ERF: variants seen among roughly 807,000 people sequenced by gnomAD.
ERF encodes the protein ETS2 repressor factor.
Under a neutral mutation model 41.6 loss-of-function variants are expected in ERF, and 10 were observed. The ratio of observed to expected loss-of-function variants is 0.24; its 90% confidence interval spans 0.15 to 0.41. The LOEUF is 0.41. Ranked by LOEUF, ERF falls within the 10% of genes least tolerant of loss-of-function variation. The probability of loss-of-function intolerance (pLI) is 1.00; values close to 1 mark genes in which losing one functional copy is unlikely to be tolerated. For missense variants in ERF, 621 were observed against 763.2 expected (o/e 0.81, Z 2.19); for synonymous variants, 395 against 342.4 (o/e 1.15, Z -1.70).
intron 1 of ERF, among the ~76,000 whole-genome samples, chr19:42,253,683 C>T (rs2036483242): frequency 6.6e-6 from 1 of 152,054 alleles, no homozygotes; most frequent in Non-Finnish European, 1.5e-5. Context: ...CCCCAGGGCC[C>T]CTCCTCGGTC....
rs774456067 is a variant in ERF, at chr19:42,249,979, CGT to C, written c.258-39_258-38del. The C allele has an allele frequency of 6.3e-7, 1 of 1,591,030 alleles. No individual in the cohort carries two copies. ...GAAATGCCATTGGGAAGGTCAGGTA[CGT>C]GGGACCCAGGTCTAGACTCCACACC... On this transcript the variant is annotated intron_variant, in intron 2 of 3. Transcript: ENST00000222329. This position sits in a 1 kb window ranked among gnomAD's most constrained non-coding sequence, Gnocchi z 8.6.
chr19:42,254,709 T>A (rs997761503), intron 1 of ERF: 3 of 325,138 alleles, frequency 9.2e-6, no homozygotes, highest in Non-Finnish European at 1.7e-5. Context: ...ATCCCGGGAG[T>A]GGGGGAGAGC....
intron 1 of ERF, chr19:42,251,310 C>A: frequency 1.0e-6 from 1 of 986,270 alleles, no homozygotes; most frequent in Non-Finnish European, 1.2e-6. Flanking sequence ...CACCCTGGAG[C>A]TGTCACCCTC....
At position 42,250,339 on chromosome 19, in the gene ERF, C is replaced by A; in HGVS notation, c.249G>T (p.Arg83=). The change falls in exon 2 of 4, where the codon CGG becomes CGT. Residue 83 remains arginine (R), a synonymous_variant. Transcript: ENST00000222329. This position sits in a 1 kb window ranked among gnomAD's most constrained non-coding sequence, Gnocchi z 5.1. ...KPQMNYDKLS[R]ALRYYYNKRI... ...CCCCAGCCCGTCCTCACCGCAGGGC[C>A]CGGCTCAGCTTGTCGTAATTCATCT... 2 of 1,613,992 alleles carry A rather than the reference C, an allele frequency of 1.2e-6. No individual in the cohort carries two copies. The highest frequency in any genetic ancestry group is 2.2e-5 in the South Asian group (2 of 91,066).
intron 1 of ERF, among the ~76,000 whole-genome samples, chr19:42,251,898 C>A (rs1048616547): frequency 6.6e-6 from 1 of 152,110 alleles, no homozygotes; most frequent in African/African-American, 2.4e-5. Context: ...ACCACATAGC[C>A]CCCGGAGTCC....
In ERF at chr19:42,250,136, G is replaced by A. The variant is rs1003363153; in HGVS notation, c.258-194C>T. On this transcript the variant is annotated intron_variant, in intron 2 of 3. Coordinates refer to ENST00000222329, the MANE Select transcript of ERF (RefSeq NM_006494.4). This position sits in a 1 kb window ranked among gnomAD's most constrained non-coding sequence, Gnocchi z 5.1. ...TAAGGCAGGACTAGAGGATCCACTGGTGACTGTAATCTCTCCTCAGGATAC... is the reference window on the plus strand; with the variant it reads ...TAAGGCAGGACTAGAGGATCCACTGATGACTGTAATCTCTCCTCAGGATAC... 2.7e-6 allele frequency: 2 copies of A among 750,918 alleles called. No homozygotes were observed. Among genetic ancestry groups the A allele is most frequent in the East Asian group, 2.7e-5 (1 of 37,564 alleles). 46.5% of individuals were successfully genotyped at this position (750,918 alleles called of 1,614,324 possible).
Position 42,249,683 on chromosome 19 carries a change from G to A in ERF, c.429C>T (p.Arg143=), listed in dbSNP as rs1202389249. ...CCTCGGAGGGCGTTGAGGGAGGGAA[G>A]CGGAAGTGGCTACCACCCGACGGCA... ...PPVPSGGSHF[R]FPPSTPSEVL... The change falls in exon 4 of 4, where the codon CGC becomes CGT. Residue 143 remains arginine, a synonymous_variant. Transcript: ENST00000222329. The surrounding 1 kb of genome is among the most constrained non-coding windows in gnomAD (Gnocchi z 8.6). The A allele has an allele frequency of 1.6e-5, 26 of 1,600,388 alleles. No homozygotes were observed. The highest frequency in any genetic ancestry group is 2.0e-5 in the Non-Finnish European group (24 of 1,171,922).
rs1462996893 is a variant in ERF, at chr19:42,249,095, C to T, written c.1017G>A (p.Val339=). Residue 339 remains valine (V), a synonymous_variant, in exon 4 of 4, where the codon GTG becomes GTA. Transcript: ENST00000222329. The surrounding 1 kb of genome is among the most constrained non-coding windows in gnomAD (Gnocchi z 8.6). The part of the protein sequence containing the change: ...RAFLHYPGLV[V]PQPQRPDKCP... ...ACTTGTCAGGGCGCTGGGGCTGGGG[C>T]ACCACCAGCCCAGGGTAGTGCAGGA... The T allele has an allele frequency of 6.2e-7, 1 of 1,613,624 alleles. No individual in the cohort carries two copies. The highest frequency in any genetic ancestry group is 1.3e-5 in the African/African-American group (1 of 75,032).
Position 42,248,898 on chromosome 19 carries a change from C to A in ERF, c.1214G>T (p.Ser405Ile), listed in dbSNP as rs1462928759. Reference protein sequence around the residue: ...AVAGADKSGGSAGGLAEGAGA... With the variant: ...AVAGADKSGGIAGGLAEGAGA... ...TGCCCCCTCAGCCAGCCCGCCTGCA[C>A]TGCCACCGCTCTTGTCAGCACCGGC... The change falls in exon 4 of 4, where the codon AGT becomes ATT. Residue 405 changes from serine to isoleucine, a missense_variant. By Grantham distance (142) the Ser-to-Ile change is moderately radical. This residue lies in a region of ERF where 569 missense variants were observed against 625.5 expected (regional missense o/e 0.91). Coordinates refer to ENST00000222329, the MANE Select transcript of ERF (RefSeq NM_006494.4). The surrounding 1 kb of genome is among the most constrained non-coding windows in gnomAD (Gnocchi z 4.2). 1.2e-6 allele frequency: 2 copies of A among 1,607,744 alleles called. No homozygotes were observed. The highest frequency in any genetic ancestry group is 1.7e-6 in the Non-Finnish European group (2 of 1,179,238).
rs2036367641 is a variant in ERF, at chr19:42,248,399, AG to A, written c.*65del. On this transcript the variant is annotated 3_prime_UTR_variant, in exon 4 of 4. Coordinates refer to ENST00000222329, the MANE Select transcript of ERF (RefSeq NM_006494.4). The surrounding 1 kb of genome is among the most constrained non-coding windows in gnomAD (Gnocchi z 4.2). ...AGAGCTGCCCTCACCTCCAGGGCAT[AG>A]GGGGCTTAAGGCAGCAAAAGAAGCA... The A allele has an allele frequency of 7.3e-7, 1 of 1,375,772 alleles. No individual in the cohort carries two copies. The highest frequency in any genetic ancestry group is 2.7e-5 in the Admixed American group (1 of 37,502). The allele number at this position is 1,375,772 out of a possible 1,614,324, so 85.2% of individuals were successfully genotyped here.
chr19:42,253,867 C>T, intron 1 of ERF: 1 of 1,071,158 alleles, frequency 9.3e-7, no homozygotes, highest in Non-Finnish European at 1.1e-6. Flanking sequence ...CGAGCCGCCG[C>T]CGCCGCCGCC....
chr19:42,248,504 A>G lies in ERF; in HGVS notation c.1608T>C (p.His536=), dbSNP rs746528020. 3 of 1,515,462 alleles carry G rather than the reference A, an allele frequency of 2.0e-6. No homozygotes were observed. Among genetic ancestry groups the G allele is most frequent in the East Asian group, 2.3e-5 (1 of 43,808 alleles). 93.9% of individuals were successfully genotyped at this position (1,515,462 alleles called of 1,614,324 possible). Residue 536 remains histidine (H), a synonymous_variant, in exon 4 of 4, where the codon CAT becomes CAC. Coordinates refer to ENST00000222329, the MANE Select transcript of ERF (RefSeq NM_006494.4). The surrounding 1 kb of genome is among the most constrained non-coding windows in gnomAD (Gnocchi z 4.2). ...TPRRVSSDLQ[H]ATAQLSLEHR... The stretch of plus-strand genomic sequence containing the variant: ...GCTCCAGGGAGAGCTGGGCCGTGGC[A>G]TGCTGGAGGTCAGAGCTCACCCGCC...
rs773296866 is a variant in ERF at position 42,249,169 on chromosome 19, G to C, written c.943C>G (p.Gln315Glu). ...TTGTAGACGCTTTGGGTGTGGGCCT[G>C]CAGGTACCGTTTCATGTCCTCAGGG... The part of the protein sequence containing the change: ...FSPEDMKRYL[Q>E]AHTQSVYNYH... Residue 315 changes from glutamine (Q) to glutamate (E), a missense_variant, in exon 4 of 4, where the codon CAG becomes GAG. Physicochemically the swap from Gln to Glu is conservative, Grantham distance 29. Coordinates refer to ENST00000222329, the MANE Select transcript of ERF (RefSeq NM_006494.4). This position sits in a 1 kb window ranked among gnomAD's most constrained non-coding sequence, Gnocchi z 8.6. 1 of 1,613,896 alleles carries C rather than the reference G, an allele frequency of 6.2e-7. No individual in the cohort carries two copies. Among genetic ancestry groups the C allele is most frequent in the South Asian group, 1.1e-5 (1 of 91,088 alleles).
Position 42,248,471 on chromosome 19 carries a change from G to T in ERF, c.1641C>A (p.Asp547Glu). ...ATAQLSLEHR[D>E]S ...GGTCCCCTGCCCACAGCCCTCAGGA[G>T]TCTCGGTGCTCCAGGGAGAGCTGGG... The change falls in exon 4 of 4, where the codon GAC becomes GAA. Residue 547 changes from aspartate to glutamate, a missense_variant. Asp to Glu is a conservative substitution (Grantham distance 45). This residue lies in a region of ERF where 569 missense variants were observed against 625.5 expected (regional missense o/e 0.91). Transcript: ENST00000222329. The surrounding 1 kb of genome is among the most constrained non-coding windows in gnomAD (Gnocchi z 4.2). The T allele has an allele frequency of 6.7e-7, 1 of 1,500,594 alleles. No homozygotes were observed. Among genetic ancestry groups the T allele is most frequent in the Non-Finnish European group, 8.9e-7 (1 of 1,126,026 alleles). 93.0% of individuals were successfully genotyped at this position (1,500,594 alleles called of 1,614,324 possible).
rs1555750795 is a variant in ERF, at chr19:42,249,493, G to A, written c.619C>T (p.Arg207Ter). Residue 207 changes from arginine (R) to a stop codon, truncating the protein, a stop_gained, in exon 4 of 4, where the codon CGA (arginine) becomes TGA (stop). Transcript: ENST00000222329. LOFTEE classifies it high-confidence loss of function. This position sits in a 1 kb window ranked among gnomAD's most constrained non-coding sequence, Gnocchi z 8.6. ...CCCAGATCCGGAGGGCCGGGTGGTC[G>A]GGCGCGGGGATCCTCTCCCAGCGGT... ...EEPLGEDPRA[R>*]PPGPPDLGAF... 1.2e-6 allele frequency: 2 copies of A among 1,610,618 alleles called. No individual in the cohort carries two copies. The highest frequency in any genetic ancestry group is 1.7e-6 in the Non-Finnish European group (2 of 1,178,966).
intron 1 of ERF, among the ~76,000 whole-genome samples, chr19:42,252,729 G>C (rs964304387): frequency 1.7e-4 from 26 of 151,718 alleles, no homozygotes; most frequent in East Asian, 7.7e-4. Flanking sequence ...CCCGGCTTTG[G>C]GGGGGGGAGA....
In ERF at chr19:42,248,693, C is replaced by A; in HGVS notation, c.1419G>T (p.Gly473=). Residue 473 remains glycine (G), a synonymous_variant, in exon 4 of 4, where the codon GGG becomes GGT. Coordinates refer to ENST00000222329, the MANE Select transcript of ERF (RefSeq NM_006494.4). This position sits in a 1 kb window ranked among gnomAD's most constrained non-coding sequence, Gnocchi z 4.2. The part of the protein sequence containing the change: ...PPKPEPGEAP[G]ASQCMPLKLR... The stretch of plus-strand genomic sequence containing the variant: ...GCTTGAGGGGCATGCACTGGGATGC[C>A]CCGGGTGCCTCGCCGGGCTCAGGCT... 6.2e-7 allele frequency: 1 copy of A among 1,611,334 alleles called. No individual in the cohort carries two copies.
chr19:42,253,222 G>C (rs1244233862), intron 1 of ERF, among the ~76,000 whole-genome samples: 1 of 152,176 alleles, frequency 6.6e-6, no homozygotes, highest in African/African-American at 2.4e-5. Context: ...CCTCCTGGGG[G>C]GCCCCACCAC....
In ERF at chr19:42,250,095, G is replaced by C. The variant is rs1025643124; in HGVS notation, c.258-153C>G. ...TCAAGTGCCCAGAGGGTGGGTACCA[G>C]CTCTCTCCTCACATCTAAGGCAGGA... On this transcript the variant is annotated intron_variant, in intron 2 of 3. Coordinates refer to ENST00000222329, the MANE Select transcript of ERF (RefSeq NM_006494.4). The surrounding 1 kb of genome is among the most constrained non-coding windows in gnomAD (Gnocchi z 5.1). The C allele has an allele frequency of 1.4e-5, 11 of 814,446 alleles. No homozygotes were observed. Among genetic ancestry groups the C allele is most frequent in the Non-Finnish European group, 2.2e-5 (11 of 492,910 alleles). The allele number at this position is 814,446 out of a possible 1,614,324, so 50.5% of individuals were successfully genotyped here.
Sources: gnomAD v4.1 joint callset for allele counts (sites outside exome capture counted in the v4.1 genomes callset) on GRCh38, gnomAD v4.1.1 for gene constraint, gnomAD v4.1.1 regional missense constraint, Gnocchi (gnomAD v3.1) non-coding constraint, MANE v1.5 for transcripts, NCBI Gene and HGNC (gene_info 2026-07-23, HGNC 2026-07-21) for gene names.